The following KCNQ5 variants were observed in gnomAD, a reference collection of about 807,000 sequenced individuals.
KCNQ5 encodes potassium voltage-gated channel subfamily KQT member 5.
A neutral mutation model predicts 98.2 loss-of-function variants in KCNQ5; 30 were observed. The ratio of observed to expected loss-of-function variants is 0.31; its 90% CI spans 0.23 to 0.41. The LOEUF is 0.41. KCNQ5 is among the 10% of genes least tolerant of loss of function. The pLI is 1.00. For missense variants in KCNQ5, 835 were observed against 1,182.5 expected, an observed-to-expected ratio of 0.71 and a Z score of 4.31; for synonymous variants, 458 against 449.4, an observed-to-expected ratio of 1.02 and a Z score of -0.24.
At chr6:72,967,300 C>T (rs965149514) in intron 1 of KCNQ5, among the ~76,000 whole-genome samples, 5 of 152,036 alleles carry the variant, frequency 3.3e-5, no homozygotes, top group Non-Finnish European at 7.4e-5. Flanking sequence ...AGTCTGTACA[C>T]CCTTCCTATG....
In KCNQ5 at chr6:73,053,192, A is replaced by G. The variant is rs895030897; in HGVS notation, c.616+11130A>G. On this transcript the variant is annotated intron_variant, in intron 3 of 13. Transcript: ENST00000370398. The stretch of plus-strand genomic sequence containing the variant: ...TAAAGGGTTCACCTCAAAAGGCCAG[A>G]CTTAACTATCCTAAATAGATATGCA... Among the ~76,000 whole-genome samples the G allele has an allele frequency of 3.3e-5, 5 of 152,320 alleles. No homozygotes were observed. The East Asian group carries it at 9.6e-4, about 29-fold the overall frequency.
At chr6:72,855,436 G>T (rs1777489055) in intron 1 of KCNQ5, among the ~76,000 whole-genome samples, 1 of 152,024 alleles carries the variant, frequency 6.6e-6, no homozygotes, top group Non-Finnish European at 1.5e-5. Flanking sequence ...GTCTATATCA[G>T]TATGCATACA....
chr6:73,099,147 C>T (rs1430259208), intron 5 of KCNQ5, among the ~76,000 whole-genome samples: 1 of 151,616 alleles, frequency 6.6e-6, no homozygotes, highest in Non-Finnish European at 1.5e-5. Context: ...AAAAAGCATA[C>T]AATGGATACA....
intron 1 of KCNQ5, among the ~76,000 whole-genome samples, chr6:72,730,774 T>C (rs1299491941): frequency 6.6e-6 from 1 of 152,176 alleles, no homozygotes; most frequent in Admixed American, 6.5e-5. Flanking sequence ...TTTCAGAATT[T>C]TCCTGGCTGC....
intron 1 of KCNQ5, among the ~76,000 whole-genome samples, chr6:72,664,660 A>AAAACAAAC (rs146656242): frequency 6.6e-6 from 1 of 150,494 alleles, no homozygotes; most frequent in Non-Finnish European, 1.5e-5. Flanking sequence ...TGTCTCAAGA[A>AAAACAAAC]AAACAAACAA....
At chr6:73,071,782 C>T (rs1773311475) in intron 3 of KCNQ5, among the ~76,000 whole-genome samples, 1 of 152,170 alleles carries the variant, frequency 6.6e-6, no homozygotes. Flanking sequence ...ATGACCAAAA[C>T]ACCTCCCATT....
chr6:72,864,846 G>C (rs1777915817), intron 1 of KCNQ5, among the ~76,000 whole-genome samples: 2 of 151,830 alleles, frequency 1.3e-5, no homozygotes, highest in African/African-American at 4.8e-5. Flanking sequence ...TTTTAGTTTT[G>C]ATTGTTTTTG....
chr6:72,940,131 T>G (rs911838373), intron 1 of KCNQ5, among the ~76,000 whole-genome samples: 2 of 152,184 alleles, frequency 1.3e-5, no homozygotes, highest in Non-Finnish European at 2.9e-5. Flanking sequence ...TGAACATTCT[T>G]TGATGTTCTG....
intron 5 of KCNQ5, among the ~76,000 whole-genome samples, chr6:73,093,871 A>T (rs543947883): frequency 9.9e-5 from 15 of 152,046 alleles, no homozygotes; most frequent in Admixed American, 7.9e-4. Flanking sequence ...AATAGAATGT[A>T]TATTCTATGG....
At chr6:73,100,003 C>T (rs2150413890) in intron 5 of KCNQ5, among the ~76,000 whole-genome samples, 1 of 152,248 alleles carries the variant, frequency 6.6e-6, no homozygotes, top group Non-Finnish European at 1.5e-5. Flanking sequence ...CTTCTCTGAC[C>T]ACAATTGAAT....
At chr6:72,893,765 C>T (rs1011345151) in intron 1 of KCNQ5, among the ~76,000 whole-genome samples, 6 of 152,148 alleles carry the variant, frequency 3.9e-5, no homozygotes, top group Non-Finnish European at 8.8e-5. Context: ...ATTTAATAAA[C>T]TTTAATTAAG....
chr6:73,156,337 A>G (rs1777361033), intron 10 of KCNQ5, among the ~76,000 whole-genome samples: 1 of 152,264 alleles, frequency 6.6e-6, no homozygotes, highest in Non-Finnish European at 1.5e-5. Flanking sequence ...TTCCTAAAAT[A>G]AAAATGAATT....
rs527422575 is a variant in KCNQ5, at chr6:72,724,017, C to T, written c.398+101430C>T. 1.8e-3 allele frequency among the ~76,000 whole-genome samples: 276 copies of T among 152,088 alleles called. 1 individual carries two copies. Among genetic ancestry groups the T allele is most frequent in the African/African-American group, 6.3e-3 (261 of 41,502 alleles). ...TTAAGTAATTGACTTTCTTTTGACA[C>T]GCTTTCTTATTTAGAAACTCAGGCT... On this transcript the variant is annotated intron_variant, in intron 1 of 13. Transcript: ENST00000370398.
intron 1 of KCNQ5, among the ~76,000 whole-genome samples, chr6:72,978,671 G>A (rs1384844092): frequency 2.0e-5 from 3 of 151,948 alleles, no homozygotes; most frequent in Admixed American, 2.0e-4. Context: ...AAACACAGAA[G>A]TTAGGAACAC....
At chr6:73,069,874 G>T (rs113425442) in intron 3 of KCNQ5, among the ~76,000 whole-genome samples, 1 of 152,184 alleles carries the variant, frequency 6.6e-6, no homozygotes, top group Non-Finnish European at 1.5e-5. Context: ...TCATGTGGTA[G>T]TAGAATACAA....
At chr6:73,096,266 A>G (rs1441109185) in intron 5 of KCNQ5, among the ~76,000 whole-genome samples, 1 of 150,264 alleles carries the variant, frequency 6.7e-6, no homozygotes, top group East Asian at 2.0e-4. Context: ...ACATTTCAGC[A>G]GGTACCTGAA....
chr6:72,626,586 T>A (rs1050444629), intron 1 of KCNQ5, among the ~76,000 whole-genome samples: 1 of 152,220 alleles, frequency 6.6e-6, no homozygotes, highest in Non-Finnish European at 1.5e-5. Flanking sequence ...ATATAAATTT[T>A]GGAAAGATCT....
intron 1 of KCNQ5, among the ~76,000 whole-genome samples, chr6:72,686,404 T>C (rs1767951256): frequency 6.6e-6 from 1 of 152,234 alleles, no homozygotes; most frequent in Non-Finnish European, 1.5e-5. Flanking sequence ...ATGAGGCTGA[T>C]GAACATTTCA....
At chr6:73,125,503 G>C (rs777056733) in intron 9 of KCNQ5, 2 of 517,070 alleles carry the variant, frequency 3.9e-6, no homozygotes, top group Admixed American at 3.9e-5. Context: ...AAGAAATGAA[G>C]GCATCCACCT....
Sources: allele counts gnomAD v4.1 joint callset (sites outside exome capture counted in the v4.1 genomes callset), GRCh38; gene constraint gnomAD v4.1.1; transcripts MANE v1.5; gene names NCBI Gene and HGNC (gene_info 2026-07-23, HGNC 2026-07-21).